Variants in KDM7A observed in about 807,000 individuals in gnomAD.
KDM7A encodes lysine demethylase 7A.
Under a neutral mutation model 114.8 loss-of-function variants are expected in KDM7A, and 28 were observed. The observed-to-expected ratio is 0.24, with a 90% CI of 0.18 to 0.33. KDM7A has a LOEUF of 0.33. Among genes scored for constraint, KDM7A ranks in the 10% least tolerant of loss-of-function variants. The pLI is 1.00. For missense variants in KDM7A, 942 were observed against 1,142.5 expected, an observed-to-expected ratio of 0.82 and a Z score of 2.53; for synonymous variants, 423 against 397.8, an observed-to-expected ratio of 1.06 and a Z score of -0.75.
rs185047817 is a variant in KDM7A, at chr7:140,163,662, G to T, written c.194+13082C>A. ...AGTTTATATGGTCAAAGGAAACATG[G>T]ACCTTTCTATATATTTGTCTTTCAA... is the stretch of plus-strand genomic sequence containing the variant. On this transcript the variant is annotated intron_variant, in intron 1 of 19. Transcript: ENST00000397560. 1.5e-4 allele frequency among the ~76,000 whole-genome samples: 23 copies of T among 151,948 alleles called. No homozygotes were observed. The East Asian group carries it at 4.3e-3, about 28-fold the overall frequency.
intron 1 of KDM7A, among the ~76,000 whole-genome samples, chr7:140,162,408 T>C (rs1011634501): frequency 5.3e-5 from 8 of 152,210 alleles, no homozygotes; most frequent in Non-Finnish European, 8.8e-5. Context: ...CTATGTTTTG[T>C]GCTCAAGGAA....
chr7:140,100,663 T>TATATATATATATAC (rs1818186460), intron 12 of KDM7A, among the ~76,000 whole-genome samples: 23 of 38,300 alleles, frequency 6.0e-4, no homozygotes, highest in Non-Finnish European at 1.0e-3. Flanking sequence ...TAAAAAGTTA[T>TATATATATATATAC]ATATATATAT....
chr7:140,173,176 C>T (rs908313828), intron 1 of KDM7A, among the ~76,000 whole-genome samples: 6 of 152,140 alleles, frequency 3.9e-5, no homozygotes, highest in Non-Finnish European at 7.4e-5. Context: ...CCACCAAGAA[C>T]TCAGGGAGAA....
chr7:140,174,345 T>C (rs1445937791), intron 1 of KDM7A, among the ~76,000 whole-genome samples: 1 of 152,176 alleles, frequency 6.6e-6, no homozygotes, highest in East Asian at 1.9e-4. Context: ...CTTCCACAGA[T>C]ATAAAGTTAC....
chr7:140,126,890 T>C (rs1194278387), intron 5 of KDM7A, 67 bp from the exon 6 acceptor site: 2 of 1,181,658 alleles, frequency 1.7e-6, no homozygotes, highest in East Asian at 4.8e-5. Flanking sequence ...GAATTGTTTT[T>C]CTCATCTATT....
In KDM7A at chr7:140,170,172, T is replaced by TA. The variant is rs200444726; in HGVS notation, c.194+6571dup. On this transcript the variant is annotated intron_variant, in intron 1 of 19. Transcript: ENST00000397560. The stretch of plus-strand genomic sequence containing the variant: ...TTTAAGAAGTCAAAATACACTCTAA[T>TA]AAAAAAAATCCATTTATATAACAAG... Among the ~76,000 whole-genome samples the TA allele has an allele frequency of 5.1e-3, 770 of 150,784 alleles. 9 individuals are homozygous for TA. Among genetic ancestry groups the TA allele is most frequent in the African/African-American group, 0.017 (696 of 40,292 alleles).
chr7:140,149,195 G>A (rs1225232814), intron 1 of KDM7A, among the ~76,000 whole-genome samples: 1 of 152,066 alleles, frequency 6.6e-6, no homozygotes, highest in Non-Finnish European at 1.5e-5. Flanking sequence ...TGCACTCAGT[G>A]GTACAAAACA....
At chr7:140,158,406 G>C (rs1794482542) in intron 1 of KDM7A, among the ~76,000 whole-genome samples, 1 of 152,126 alleles carries the variant, frequency 6.6e-6, no homozygotes, top group African/African-American at 2.4e-5. Context: ...ATTTAGTGCA[G>C]ATTATGAGAG....
At chr7:140,107,301 T>C (rs1818354514) in intron 11 of KDM7A, among the ~76,000 whole-genome samples, 2 of 152,234 alleles carry the variant, frequency 1.3e-5, no homozygotes, top group African/African-American at 4.8e-5. Context: ...TGTGTGAATT[T>C]GATCCACTCA....
At chr7:140,107,801 G>A (rs966011031) in intron 11 of KDM7A, among the ~76,000 whole-genome samples, 5 of 152,190 alleles carry the variant, frequency 3.3e-5, no homozygotes, top group African/African-American at 1.2e-4. Context: ...TGTATTTCCT[G>A]AATTTGAATG....
intron 1 of KDM7A, among the ~76,000 whole-genome samples, chr7:140,150,581 T>C (rs1311637567): frequency 6.6e-6 from 1 of 152,188 alleles, no homozygotes; most frequent in Non-Finnish European, 1.5e-5. Context: ...ATCCCTATGT[T>C]TGTAAATGCA....
intron 9 of KDM7A, among the ~76,000 whole-genome samples, chr7:140,114,454 T>G (rs1452821966): frequency 6.6e-6 from 1 of 151,948 alleles, no homozygotes; most frequent in African/African-American, 2.4e-5. Flanking sequence ...GCAGACGGAG[T>G]CTCGTTCACT....
chr7:140,173,564 T>C (rs1005019408), intron 1 of KDM7A, among the ~76,000 whole-genome samples: 12 of 152,256 alleles, frequency 7.9e-5, no homozygotes, highest in African/African-American at 2.9e-4. Flanking sequence ...GTCCTTCTAC[T>C]TAAAGAAATA....
At chr7:140,118,421 C>CT (rs967169618) in intron 9 of KDM7A, among the ~76,000 whole-genome samples, 3,900 of 145,982 alleles carry the variant, frequency 0.027, 173 homozygotes, top group African/African-American at 0.091. Flanking sequence ...CATAACCTGA[C>CT]TTTTTTTTTT....
intron 9 of KDM7A, among the ~76,000 whole-genome samples, chr7:140,118,582 T>A (rs1462918989): frequency 1.4e-5 from 2 of 145,886 alleles, no homozygotes; most frequent in Non-Finnish European, 3.0e-5. Flanking sequence ...ATTTTTGTAT[T>A]TTTTTTTTTT....
At chr7:140,123,948 T>C (rs1035131112) in intron 7 of KDM7A, among the ~76,000 whole-genome samples, 6 of 151,720 alleles carry the variant, frequency 4.0e-5, no homozygotes, top group South Asian at 2.1e-4. Flanking sequence ...CGGGCGCCTG[T>C]AGTCCCAGCT....
At chr7:140,091,780 T>C in intron 19 of KDM7A, 24 bp downstream of exon 19, 4 of 1,607,578 alleles carry the variant, frequency 2.5e-6, no homozygotes, top group Non-Finnish European at 3.4e-6. Context: ...AAATATACTT[T>C]CTCTATACAT....
chr7:140,091,238 G>A (rs1818013682), intron 19 of KDM7A, 50 bp from the exon 20 acceptor site: 1 of 1,255,016 alleles, frequency 8.0e-7, no homozygotes, highest in Admixed American at 1.7e-5. Context: ...GTACACTTAA[G>A]AGAGCACCTG....
intron 5 of KDM7A, 37 bp from the exon 6 acceptor site, chr7:140,126,860 T>C: frequency 4.8e-6 from 7 of 1,450,268 alleles, no homozygotes; most frequent in Admixed American, 2.1e-5. Flanking sequence ...ACCCACATCA[T>C]GCAAATTAAA....
Sources: allele counts gnomAD v4.1 joint callset (sites outside exome capture counted in the v4.1 genomes callset), GRCh38; gene constraint gnomAD v4.1.1; transcripts MANE v1.5; gene names NCBI Gene and HGNC (gene_info 2026-07-23, HGNC 2026-07-21).